KCNQ1: variants seen among roughly 807,000 people sequenced by gnomAD.
KCNQ1 encodes the protein potassium voltage-gated channel subfamily Q member 1.
Under a neutral mutation model 72.4 loss-of-function variants are expected in KCNQ1, and 49 were observed. That is an observed-to-expected ratio of 0.68 (90% confidence interval 0.54 to 0.86). The LOEUF is 0.86. Among genes scored for constraint, KCNQ1 ranks in the 40% least tolerant of loss-of-function variants. KCNQ1 has a pLI of 0.00. For synonymous variants in KCNQ1, 450 were observed against 412.6 expected (o/e 1.09, Z -1.10); for missense variants, 790 against 945.1 (o/e 0.84, Z 2.15).
At chr11:2,459,905 G>C (rs1472418539) in intron 1 of KCNQ1, among the ~76,000 whole-genome samples, 1 of 151,928 alleles carries the variant, frequency 6.6e-6, no homozygotes, top group Admixed American at 6.5e-5. Flanking sequence ...TTTTAAATGT[G>C]GTTATCTGCT....
intron 11 of KCNQ1, chr11:2,696,626 G>C: frequency 2.5e-6 from 1 of 398,664 alleles, no homozygotes; most frequent in Non-Finnish European, 4.4e-6. Flanking sequence ...GTGGAGTCCT[G>C]TTGAACTTAA....
Position 2,687,962 on chromosome 11 carries a change from G to A in KCNQ1, c.1514+25881G>A, listed in dbSNP as rs987080443. 3 of 398,778 alleles carry A rather than the reference G, an allele frequency of 7.5e-6. No individual in the cohort carries two copies. The highest frequency in any genetic ancestry group is 1.3e-5 in the Non-Finnish European group (3 of 226,180). 24.7% of individuals were successfully genotyped at this position (398,778 alleles called of 1,614,324 possible). A position where few individuals can be genotyped will look rare whatever the true frequency, so the allele number is the denominator to read the frequency against. On this transcript the variant is annotated intron_variant, in intron 11 of 15. Transcript: ENST00000155840. This position sits in a 1 kb window ranked among gnomAD's most constrained non-coding sequence, Gnocchi z 5.0. ...CCACCCGCTGTGGGTCAGCCAGGCC[G>A]CTGCTTCCTGCTTCCCTTTGATGTC...
In KCNQ1 at chr11:2,752,966, C is replaced by G. The variant is rs1481177727; in HGVS notation, c.1515-15878C>G. 2.0e-5 allele frequency among the ~76,000 whole-genome samples: 3 copies of G among 152,200 alleles called. No homozygotes were observed. The highest frequency in any genetic ancestry group is 7.2e-5 in the African/African-American group (3 of 41,462). On this transcript the variant is annotated intron_variant, in intron 11 of 15. Coordinates refer to ENST00000155840, the MANE Select transcript of KCNQ1 (RefSeq NM_000218.3). This position sits in a 1 kb window ranked among gnomAD's most constrained non-coding sequence, Gnocchi z 5.2. ...TGGCTGGTCTGGGCTTGAGGACCAG[C>G]ACGGGATCGTTCTCCTCTGTGGGTC... is the stretch of plus-strand genomic sequence containing the variant.
At position 2,769,067 on chromosome 11, in the gene KCNQ1, C is replaced by T; in HGVS notation, c.1590+148C>T. 4.0e-6 allele frequency: 3 copies of T among 743,600 alleles called. No homozygotes were observed. Among genetic ancestry groups the T allele is most frequent in the South Asian group, 3.0e-5 (2 of 67,238 alleles). The allele number at this position is 743,600 out of a possible 1,614,324, so 46.1% of individuals were successfully genotyped here. On this transcript the variant is annotated intron_variant, in intron 12 of 15. Transcript: ENST00000155840. This position sits in a 1 kb window ranked among gnomAD's most constrained non-coding sequence, Gnocchi z 4.6. ...CCACACAGGCAGGCCTATCTGAGAC[C>T]TGACAGTGCCTACCCCACCGAACCC...
chr11:2,470,410 A>G (rs868100618), intron 1 of KCNQ1, among the ~76,000 whole-genome samples: 5 of 152,296 alleles, frequency 3.3e-5, no homozygotes, highest in South Asian at 4.1e-4. Flanking sequence ...TCTACATTTT[A>G]CAGAAGACGT....
Position 2,602,626 on chromosome 11 carries a change from G to A in KCNQ1, c.1393+13772G>A, listed in dbSNP as rs1321175490. Among the ~76,000 whole-genome samples the A allele has an allele frequency of 2.0e-5, 3 of 152,154 alleles. No homozygotes were observed. Among genetic ancestry groups the A allele is most frequent in the African/African-American group, 7.2e-5 (3 of 41,422 alleles). On this transcript the variant is annotated intron_variant, in intron 10 of 15. Coordinates refer to ENST00000155840, the MANE Select transcript of KCNQ1 (RefSeq NM_000218.3). This position sits in a 1 kb window ranked among gnomAD's most constrained non-coding sequence, Gnocchi z 4.8. ...TTTTTAATTTTCTCCATTCAGATAGGTGTGTAGTGAGATCTCATTGTGGTT... is the reference window on the plus strand; with the variant it reads ...TTTTTAATTTTCTCCATTCAGATAGATGTGTAGTGAGATCTCATTGTGGTT...
intron 15 of KCNQ1, chr11:2,839,950 C>A (rs572691353): frequency 6.6e-6 from 1 of 152,192 alleles, no homozygotes; most frequent in Non-Finnish European, 1.5e-5. Context: ...GGCAGTTCTG[C>A]GTAGACGCCA....
chr11:2,591,383 G>C (rs1192356763), intron 10 of KCNQ1, among the ~76,000 whole-genome samples: 1 of 152,330 alleles, frequency 6.6e-6, no homozygotes, highest in African/African-American at 2.4e-5. Context: ...TCAGGATTGG[G>C]CTGGGACCCG....
At chr11:2,445,546 G>A in intron 1 of KCNQ1, 62 bp downstream of exon 1, 1 of 1,553,792 alleles carries the variant, frequency 6.4e-7, no homozygotes. Context: ...GTGTGGGGGA[G>A]CTCTGTCCCA....
In KCNQ1 at chr11:2,564,070, G is replaced by T. The variant is rs757105094; in HGVS notation, c.478-6558G>T. ...CCGCCACGGGCCAGGGCCCCTCGAG[G>T]CACTCATTTCAGTATCAGAGAACAC... On this transcript the variant is annotated intron_variant, in intron 2 of 15. Transcript: ENST00000155840. The surrounding 1 kb of genome is among the most constrained non-coding windows in gnomAD (Gnocchi z 4.5). Among the ~76,000 whole-genome samples the T allele has an allele frequency of 6.6e-6, 1 of 152,224 alleles. No homozygotes were observed. Among genetic ancestry groups the T allele is most frequent in the African/African-American group, 2.4e-5 (1 of 41,452 alleles).
chr11:2,626,858 G>A lies in KCNQ1; in HGVS notation c.1394-35103G>A. 1 of 398,562 alleles carries A rather than the reference G, an allele frequency of 2.5e-6. No individual in the cohort carries two copies. Among genetic ancestry groups the A allele is most frequent in the East Asian group, 3.6e-5 (1 of 28,074 alleles). 24.7% of individuals were successfully genotyped at this position (398,562 alleles called of 1,614,324 possible). Reference sequence around the variant, plus strand: ...TAAGTTTTCAAATCAGAAAGTGTGAGTCCTCCAATGTTGTTCATCATTTTC... The same window carrying A: ...TAAGTTTTCAAATCAGAAAGTGTGAATCCTCCAATGTTGTTCATCATTTTC... On this transcript the variant is annotated intron_variant, in intron 10 of 15. Coordinates refer to ENST00000155840, the MANE Select transcript of KCNQ1 (RefSeq NM_000218.3). The surrounding 1 kb of genome is among the most constrained non-coding windows in gnomAD (Gnocchi z 4.0).
chr11:2,669,170 G>T lies in KCNQ1; in HGVS notation c.1514+7089G>T, dbSNP rs1297053176. On this transcript the variant is annotated intron_variant, in intron 11 of 15. Transcript: ENST00000155840. The surrounding 1 kb of genome is among the most constrained non-coding windows in gnomAD (Gnocchi z 5.6). The stretch of plus-strand genomic sequence containing the variant: ...GGTCAGATTCAAGTTGTTCTTTGTG[G>T]CCAGGACCTTGCTTCCTTCTCACTG... 2.3e-5 allele frequency: 9 copies of T among 398,516 alleles called. No individual in the cohort carries two copies. Among genetic ancestry groups the T allele is most frequent in the Non-Finnish European group, 2.7e-5 (6 of 226,100 alleles). 24.7% of individuals were successfully genotyped at this position (398,516 alleles called of 1,614,324 possible).
chr11:2,628,669 A>G (rs1849300472), intron 10 of KCNQ1: 3 of 398,134 alleles, frequency 7.5e-6, no homozygotes, highest in African/African-American at 2.1e-5. Flanking sequence ...TTTGCGTTTT[A>G]TTCCTTGTGC....
chr11:2,566,340 T>TGCCAGTGTCCTCTCCC lies in KCNQ1; in HGVS notation c.478-4287_478-4272dup, dbSNP rs1457982986. Among the ~76,000 whole-genome samples the TGCCAGTGTCCTCTCCC allele has an allele frequency of 6.6e-6, 1 of 152,220 alleles. No individual in the cohort carries two copies. The highest frequency in any genetic ancestry group is 1.5e-5 in the Non-Finnish European group (1 of 68,032). ...CCTCCATGGCAGGCCTGGCCTCACC[T>TGCCAGTGTCCTCTCCC]GCCAGTGTCCTCTCCCACACCCGAG... On this transcript the variant is annotated intron_variant, in intron 2 of 15. Transcript: ENST00000155840. The surrounding 1 kb of genome is among the most constrained non-coding windows in gnomAD (Gnocchi z 6.7).
intron 11 of KCNQ1, among the ~76,000 whole-genome samples, chr11:2,716,055 C>T (rs758590443): frequency 4.6e-5 from 7 of 152,214 alleles, no homozygotes; most frequent in African/African-American, 1.2e-4. Flanking sequence ...AATGGGCAAG[C>T]GCTGTCTGCA....
In KCNQ1 at chr11:2,539,377, G is replaced by A. The variant is rs1179488299; in HGVS notation, c.477+11359G>A. Among the ~76,000 whole-genome samples the A allele has an allele frequency of 5.3e-5, 8 of 152,314 alleles. No homozygotes were observed. The South Asian group carries it at 6.2e-4, about 12-fold the overall frequency. ...TTCCCTGTTTTCAAGCTACAGGAGC[G>A]CAATCTTTCCAGAGCATTGAGTGGC... is the stretch of plus-strand genomic sequence containing the variant. On this transcript the variant is annotated intron_variant, in intron 2 of 15. Coordinates refer to ENST00000155840, the MANE Select transcript of KCNQ1 (RefSeq NM_000218.3).
rs1846469381 is a variant in KCNQ1 at position 2,471,764 on chromosome 11, A to G, written c.386+26280A>G. Among the ~76,000 whole-genome samples, 1 of 144,558 alleles carries G rather than the reference A, an allele frequency of 6.9e-6. No homozygotes were observed. Among genetic ancestry groups the G allele is most frequent in the South Asian group, 2.2e-4 (1 of 4,508 alleles). The allele number at this position is 144,558 out of a possible 152,430, so 94.8% of individuals were successfully genotyped here. On this transcript the variant is annotated intron_variant, in intron 1 of 15. Transcript: ENST00000155840. This position sits in a 1 kb window ranked among gnomAD's most constrained non-coding sequence, Gnocchi z 4.8. ...TGCATGGGCGTGTGTGTACTTGTGT[A>G]TGGGTGTGTGCATGTGATTGGGTGT...
chr11:2,815,647 C>T lies in KCNQ1; in HGVS notation c.1795-32120C>T, dbSNP rs1311069239. ...AGTTGCAGGGGGGCAGGCACCATCG[C>T]CCCCAGCCCCAGGCTGACCCCAGTC... On this transcript the variant is annotated intron_variant, in intron 15 of 15. Transcript: ENST00000155840. The surrounding 1 kb of genome is among the most constrained non-coding windows in gnomAD (Gnocchi z 5.4). 1.3e-5 allele frequency among the ~76,000 whole-genome samples: 2 copies of T among 151,942 alleles called. No homozygotes were observed. The highest frequency in any genetic ancestry group is 2.9e-5 in the Non-Finnish European group (2 of 67,960).
rs542040806 is a variant in KCNQ1 at position 2,584,220 on chromosome 11, A to C, written c.1032+675A>C. 1.1e-4 allele frequency among the ~76,000 whole-genome samples: 17 copies of C among 152,180 alleles called. No homozygotes were observed. In the South Asian group the frequency reaches 2.3e-3, roughly 20 times the overall value. Reference sequence around the variant, plus strand: ...TATACATGTATATCAGTATGTTTGCATATGTGTATTTATGTATCTGTGTCA... The same window carrying C: ...TATACATGTATATCAGTATGTTTGCCTATGTGTATTTATGTATCTGTGTCA... On this transcript the variant is annotated intron_variant, in intron 7 of 15. Coordinates refer to ENST00000155840, the MANE Select transcript of KCNQ1 (RefSeq NM_000218.3).
Sources: gnomAD v4.1 joint callset for allele counts (sites outside exome capture counted in the v4.1 genomes callset) on GRCh38, gnomAD v4.1.1 for gene constraint, Gnocchi (gnomAD v3.1) non-coding constraint, MANE v1.5 for transcripts, NCBI Gene and HGNC (gene_info 2026-07-23, HGNC 2026-07-21) for gene names.